ERC1: variants seen among roughly 807,000 people sequenced by gnomAD.
ERC1 encodes the protein RAB6 interacting protein 2.
In ERC1, 56 loss-of-function variants were observed where a neutral mutation model predicts 132.0. That is an observed-to-expected ratio of 0.42 (90% CI 0.34 to 0.53). The LOEUF is 0.53. Among genes scored for constraint, ERC1 ranks in the 20% least tolerant of loss-of-function variants. ERC1 has a pLI of 0.03. For missense variants in ERC1, 1,202 were observed against 1,349.9 expected, an observed-to-expected ratio of 0.89 and a Z score of 1.72; for synonymous variants, 478 against 476.1, an observed-to-expected ratio of 1.00 and a Z score of -0.05.
intron 1 of ERC1, among the ~76,000 whole-genome samples, chr12:1,013,015 C>T (rs776170530): frequency 4.6e-5 from 7 of 152,112 alleles, no homozygotes; most frequent in East Asian, 1.9e-4. Flanking sequence ...TGTGAATAGA[C>T]GTTTGTGAAC....
At chr12:1,355,197 G>C (rs1007785485) in intron 15 of ERC1, among the ~76,000 whole-genome samples, 1 of 152,010 alleles carries the variant, frequency 6.6e-6, no homozygotes, top group South Asian at 2.1e-4. Context: ...AAGCAAATGA[G>C]CAAGGTTTTG....
chr12:1,094,294 C>T (rs950039834), intron 3 of ERC1, among the ~76,000 whole-genome samples: 11 of 151,730 alleles, frequency 7.2e-5, no homozygotes, highest in South Asian at 2.1e-4. Flanking sequence ...GCTGGGACAA[C>T]AGGCATGAGC....
chr12:999,949 T>C (rs997686118), intron 1 of ERC1, among the ~76,000 whole-genome samples: 1 of 152,196 alleles, frequency 6.6e-6, no homozygotes, highest in Non-Finnish European at 1.5e-5. Flanking sequence ...TGTGTAGCTA[T>C]TGAAGATTTC....
At chr12:1,409,745 G>A (rs367951452) in intron 17 of ERC1, among the ~76,000 whole-genome samples, 17 of 152,158 alleles carry the variant, frequency 1.1e-4, no homozygotes, top group Middle Eastern at 3.4e-3. Flanking sequence ...GTCTTGCTGC[G>A]TTGCCCAGGC....
intron 2 of ERC1, among the ~76,000 whole-genome samples, chr12:1,053,053 A>G (rs1196112374): frequency 6.6e-6 from 1 of 152,216 alleles, no homozygotes; most frequent in African/African-American, 2.4e-5. Flanking sequence ...CATGGAATTA[A>G]TAAGTTGAAT....
chr12:1,165,089 A>G (rs758781425), intron 8 of ERC1, among the ~76,000 whole-genome samples: 12 of 152,228 alleles, frequency 7.9e-5, no homozygotes, highest in Non-Finnish European at 1.5e-4. Flanking sequence ...ATTCATAGGA[A>G]GAAAGTACAG....
chr12:1,126,096 A>G (rs938309678), intron 7 of ERC1, among the ~76,000 whole-genome samples: 8 of 152,258 alleles, frequency 5.3e-5, no homozygotes, highest in Non-Finnish European at 8.8e-5. Flanking sequence ...ACTGAACTGT[A>G]GACTTAAAAT....
At chr12:1,057,115 GTTTTA>G (rs952084099) in intron 2 of ERC1, among the ~76,000 whole-genome samples, 12 of 151,932 alleles carry the variant, frequency 7.9e-5, no homozygotes, top group Admixed American at 6.6e-5. Context: ...TCATATGCTT[GTTTTA>G]TTTTTAGTGT....
chr12:1,213,898 G>A (rs1958122105), intron 12 of ERC1, among the ~76,000 whole-genome samples: 1 of 151,542 alleles, frequency 6.6e-6, no homozygotes, highest in Non-Finnish European at 1.5e-5. Flanking sequence ...ATGAGACTCT[G>A]TCTCCAAAAA....
chr12:1,076,767 A>G lies in ERC1; in HGVS notation c.670-6397A>G, dbSNP rs1349573433. On this transcript the variant is annotated intron_variant, in intron 2 of 18. Transcript: ENST00000360905. ...GATACTTGCAATGCGGCTAATATACAGTAGCCATTTACTTTCAACATAATT... is the reference window on the plus strand; with the variant it reads ...GATACTTGCAATGCGGCTAATATACGGTAGCCATTTACTTTCAACATAATT... Among the ~76,000 whole-genome samples the G allele has an allele frequency of 4.6e-5, 7 of 152,370 alleles. No homozygotes were observed. The East Asian group carries it at 1.3e-3, about 29-fold the overall frequency.
At chr12:1,376,708 T>C (rs1431590703) in intron 16 of ERC1, among the ~76,000 whole-genome samples, 1 of 152,234 alleles carries the variant, frequency 6.6e-6, no homozygotes, top group Non-Finnish European at 1.5e-5. Context: ...TTCCAGATGG[T>C]TGGTAATCAG....
At chr12:1,244,614 C>T (rs906256681) in intron 13 of ERC1, 7 of 443,864 alleles carry the variant, frequency 1.6e-5, no homozygotes, top group Middle Eastern at 7.1e-4. Flanking sequence ...CTCCTTCTAC[C>T]GGATTCAAGT....
chr12:1,296,072 A>G (rs61913069), intron 15 of ERC1, among the ~76,000 whole-genome samples: 15,833 of 151,630 alleles, frequency 0.1, 1,149 homozygotes, highest in Non-Finnish European at 0.16. Context: ...GAAAAATGTC[A>G]TGTTGATGAT....
chr12:1,205,635 T>C (rs1047718444), intron 12 of ERC1, among the ~76,000 whole-genome samples: 7 of 152,084 alleles, frequency 4.6e-5, no homozygotes, highest in Admixed American at 6.5e-5. Flanking sequence ...ACACAAATAC[T>C]GCATTTAAAA....
Position 1,261,783 on chromosome 12 carries a change from T to G in ERC1, c.2488-1251T>G, listed in dbSNP as rs151040113. Among the ~76,000 whole-genome samples, 652 of 152,328 alleles carry G rather than the reference T, an allele frequency of 4.3e-3. 10 individuals carry two copies. The highest frequency in any genetic ancestry group is 0.015 in the African/African-American group (624 of 41,570). ...ATAACTGTGGAGAAACACAGTTCTC[T>G]GAGAAGAATGAAAACTTGTAACATG... On this transcript the variant is annotated intron_variant, in intron 13 of 18. Coordinates refer to ENST00000360905, the MANE Select transcript of ERC1 (RefSeq NM_178040.4).
Position 1,163,904 on chromosome 12 carries a change from C to T in ERC1, c.1738-16636C>T, listed in dbSNP as rs186546687. Among the ~76,000 whole-genome samples the T allele has an allele frequency of 2.6e-3, 390 of 152,074 alleles. 1 individual carries two copies. Among genetic ancestry groups the T allele is most frequent in the African/African-American group, 8.1e-3 (335 of 41,492 alleles). On this transcript the variant is annotated intron_variant, in intron 8 of 18. Transcript: ENST00000360905. The stretch of plus-strand genomic sequence containing the variant: ...CTAATTTTTTTATTTTTAGTAGAGA[C>T]GGGGTTTTGCCATGTTGGCCAGGCT...
intron 17 of ERC1, among the ~76,000 whole-genome samples, chr12:1,417,775 C>A: frequency 2.3e-5 from 3 of 128,592 alleles, no homozygotes; most frequent in Admixed American, 7.8e-5. Context: ...AGCAAGACTC[C>A]ATCTCAAAAA....
At chr12:1,112,733 C>CT (rs1293655619) in intron 6 of ERC1, among the ~76,000 whole-genome samples, 1 of 152,150 alleles carries the variant, frequency 6.6e-6, no homozygotes, top group Admixed American at 6.5e-5. Context: ...TAGACATTAT[C>CT]TTTAAGTCTC....
chr12:1,483,669 T>C (rs907652600), intron 18 of ERC1, among the ~76,000 whole-genome samples: 5 of 22,442 alleles, frequency 2.2e-4, no homozygotes, highest in South Asian at 3.1e-3. Flanking sequence ...CACTGAGAGC[T>C]TTTTTTTTTT....
Sources: gnomAD v4.1 joint callset for allele counts (sites outside exome capture counted in the v4.1 genomes callset) on GRCh38, gnomAD v4.1.1 for gene constraint, MANE v1.5 for transcripts, NCBI Gene and HGNC (gene_info 2026-07-23, HGNC 2026-07-21) for gene names.